CNBD1: variants seen among roughly 807,000 people sequenced by gnomAD.
CNBD1 encodes cyclic nucleotide binding domain containing 1.
In CNBD1, 71 loss-of-function variants were observed where a neutral mutation model predicts 54.4. The observed-to-expected ratio is 1.30, with a 90% CI of 1.08 to 1.59. The LOEUF is 1.59. Ranked by LOEUF, CNBD1 falls within the 40% of genes most tolerant of loss-of-function variation. The probability of loss-of-function intolerance (pLI) is 0.00; values close to 1 mark genes in which losing one functional copy is unlikely to be tolerated. For synonymous variants in CNBD1, 182 were observed against 170.7 expected (o/e 1.07, Z -0.51); for missense variants, 659 against 518.0 (o/e 1.27, Z -2.64).
intron 4 of CNBD1, among the ~76,000 whole-genome samples, chr8:87,071,050 T>TA (rs1314258974): frequency 6.6e-6 from 1 of 152,004 alleles, no homozygotes; most frequent in Non-Finnish European, 1.5e-5. Flanking sequence ...GACTGATGAT[T>TA]AAAAAAACAG....
At chr8:87,011,774 C>A (rs1056692549) in intron 4 of CNBD1, among the ~76,000 whole-genome samples, 2 of 151,982 alleles carry the variant, frequency 1.3e-5, no homozygotes, top group African/African-American at 4.8e-5. Flanking sequence ...ATTTAAAAAA[C>A]AAACATGAGG....
chr8:87,201,612 C>T (rs557876030), intron 4 of CNBD1, among the ~76,000 whole-genome samples: 2 of 151,886 alleles, frequency 1.3e-5, no homozygotes, highest in East Asian at 3.9e-4. Flanking sequence ...GAAAACAAAA[C>T]CATTTAGAAT....
At chr8:87,085,301 T>G (rs1811074552) in intron 4 of CNBD1, among the ~76,000 whole-genome samples, 1 of 152,190 alleles carries the variant, frequency 6.6e-6, no homozygotes, top group South Asian at 2.1e-4. Flanking sequence ...CCTTGTCTTC[T>G]AGTAGTGTGC....
intron 8 of CNBD1, among the ~76,000 whole-genome samples, chr8:87,342,452 A>G (rs1358519239): frequency 6.6e-6 from 1 of 152,174 alleles, no homozygotes; most frequent in Non-Finnish European, 1.5e-5. Context: ...GTTATTTTAA[A>G]ATTATTTTAG....
intron 3 of CNBD1, among the ~76,000 whole-genome samples, chr8:86,907,589 AC>A: frequency 6.6e-6 from 1 of 151,994 alleles, no homozygotes; most frequent in Middle Eastern, 3.4e-3. Flanking sequence ...AATCACTTGA[AC>A]CCAGGAGGCG....
intron 10 of CNBD1, among the ~76,000 whole-genome samples, chr8:87,372,425 C>T (rs1187946445): frequency 6.6e-6 from 1 of 151,842 alleles, no homozygotes; most frequent in East Asian, 1.9e-4. Flanking sequence ...ATTTCTGGTT[C>T]CTCACTGGAT....
intron 2 of CNBD1, among the ~76,000 whole-genome samples, chr8:87,401,330 C>T (rs1057282134): frequency 6.6e-6 from 1 of 151,920 alleles, no homozygotes; most frequent in East Asian, 1.9e-4. Flanking sequence ...TTGCTAATGC[C>T]TTGATTCCTT....
chr8:87,225,278 A>G (rs1814455043), intron 5 of CNBD1, among the ~76,000 whole-genome samples: 1 of 147,578 alleles, frequency 6.8e-6, no homozygotes, highest in African/African-American at 2.5e-5. Flanking sequence ...TTCCAACACT[A>G]TGTTGAATAG....
intron 6 of CNBD1, among the ~76,000 whole-genome samples, chr8:87,255,827 C>T (rs964669446): frequency 6.7e-6 from 1 of 149,738 alleles, no homozygotes; most frequent in African/African-American, 2.5e-5. Context: ...CAAACTACTT[C>T]ATAGGGTAAT....
intron 5 of CNBD1, among the ~76,000 whole-genome samples, chr8:87,231,759 C>T: frequency 6.6e-6 from 1 of 151,980 alleles, no homozygotes. Flanking sequence ...TTGTTTCTGA[C>T]ACTTTATTTT....
chr8:86,901,989 T>C (rs1563815838), intron 2 of CNBD1, among the ~76,000 whole-genome samples: 2 of 152,134 alleles, frequency 1.3e-5, no homozygotes, highest in Non-Finnish European at 1.5e-5. Flanking sequence ...AGCAAGACAA[T>C]TGGAATGTGT....
At chr8:86,920,617 A>G (rs565083408) in intron 3 of CNBD1, among the ~76,000 whole-genome samples, 2 of 152,298 alleles carry the variant, frequency 1.3e-5, no homozygotes, top group African/African-American at 4.8e-5. Flanking sequence ...GCCTGACCCA[A>G]GGAAGTCTGT....
intron 2 of CNBD1, among the ~76,000 whole-genome samples, chr8:87,390,810 T>C (rs1811293610): frequency 6.6e-6 from 1 of 152,174 alleles, no homozygotes; most frequent in Non-Finnish European, 1.5e-5. Context: ...ATTGCGGCAC[T>C]ATTCACAATA....
intron 4 of CNBD1, among the ~76,000 whole-genome samples, chr8:87,023,802 T>G (rs900081007): frequency 1.3e-5 from 2 of 152,240 alleles, no homozygotes; most frequent in Non-Finnish European, 2.9e-5. Context: ...TTTAAAAGTT[T>G]GTTCTGACTT....
Position 87,303,937 on chromosome 8 carries a change from A to C in CNBD1, c.1042+17266A>C, listed in dbSNP as rs1385494591. 3.3e-5 allele frequency among the ~76,000 whole-genome samples: 5 copies of C among 152,280 alleles called. No individual in the cohort carries two copies. In the East Asian group the frequency reaches 7.7e-4, roughly 24 times the overall value. ...AAATGCAAATCAAAACCACAATGAG[A>C]TATCATCTCACACCAGTTAGAATGT... On this transcript the variant is annotated intron_variant, in intron 8 of 10. Coordinates refer to ENST00000518476, the MANE Select transcript of CNBD1 (RefSeq NM_173538.3).
At chr8:87,371,193 A>G (rs1810783045) in intron 10 of CNBD1, among the ~76,000 whole-genome samples, 1 of 151,922 alleles carries the variant, frequency 6.6e-6, no homozygotes, top group Non-Finnish European at 1.5e-5. Flanking sequence ...TCGGCTTAGG[A>G]TTGACTGGGC....
At chr8:87,259,318 C>A (rs1231460343) in intron 6 of CNBD1, among the ~76,000 whole-genome samples, 1 of 152,122 alleles carries the variant, frequency 6.6e-6, no homozygotes, top group Admixed American at 6.6e-5. Context: ...ATGGCTAATT[C>A]CACATATCCC....
chr8:87,364,154 C>T (rs1256997636), intron 10 of CNBD1, among the ~76,000 whole-genome samples: 1 of 151,500 alleles, frequency 6.6e-6, no homozygotes. Context: ...ATCTTGCTGA[C>T]ATTTAAAATT....
chr8:87,126,882 A>G (rs1295231845), intron 4 of CNBD1, among the ~76,000 whole-genome samples: 1 of 151,946 alleles, frequency 6.6e-6, no homozygotes, highest in Non-Finnish European at 1.5e-5. Context: ...AGAACTATTT[A>G]TTGAAAAACT....
Sources: allele counts gnomAD v4.1 joint callset (sites outside exome capture counted in the v4.1 genomes callset), GRCh38; gene constraint gnomAD v4.1.1; transcripts MANE v1.5; gene names NCBI Gene and HGNC (gene_info 2026-07-23, HGNC 2026-07-21).